The following ACSL4 variants were observed in gnomAD, a reference collection of about 807,000 sequenced individuals.
ACSL4 encodes long-chain-fatty-acid--CoA ligase 4.
Under a neutral mutation model 49.1 loss-of-function variants are expected in ACSL4, and 9 were observed. The ratio of observed to expected loss-of-function variants is 0.18; its 90% confidence interval spans 0.11 to 0.32. The LOEUF is 0.32. ACSL4 is among the 10% of genes least tolerant of loss of function. The pLI is 1.00. For missense variants in ACSL4, 333 were observed against 493.7 expected, an observed-to-expected ratio of 0.67 and a Z score of 3.08; for synonymous variants, 191 against 170.3, an observed-to-expected ratio of 1.12 and a Z score of -0.95.
chrX:109,660,135 T>C (rs558635355), intron 14 of ACSL4, among the ~76,000 whole-genome samples: 1 of 108,807 alleles, frequency 9.2e-6, no homozygotes, highest in African/African-American at 3.4e-5. Flanking sequence ...AAAGACTCAA[T>C]CAGCAGAGTA....
chrX:109,701,530 TTTC>T (rs1354215208), intron 1 of ACSL4, among the ~76,000 whole-genome samples: 4 of 101,987 alleles, frequency 3.9e-5, no homozygotes, highest in Non-Finnish European at 8.0e-5. Flanking sequence ...ACATAGAATT[TTTC>T]TTCTTCTTCT....
intron 15 of ACSL4, among the ~76,000 whole-genome samples, chrX:109,645,261 T>C (rs1262894862): frequency 3.6e-5 from 4 of 112,456 alleles, no homozygotes; most frequent in Middle Eastern, 8.3e-3. Context: ...TCTGCAGACT[T>C]AAATGTCCCT....
intron 1 of ACSL4, among the ~76,000 whole-genome samples, chrX:109,698,705 C>T (rs1291001806): frequency 4.5e-5 from 5 of 111,595 alleles, no homozygotes; most frequent in Non-Finnish European, 1.9e-5. Context: ...GAAAGCCCAA[C>T]TCACCAAATG....
rs375616665 is a variant in ACSL4, at chrX:109,663,379, G to C, written c.1414C>G (p.Pro472Ala). 1.9e-5 allele frequency: 23 copies of C among 1,207,658 alleles called. No homozygotes were observed. Among genetic ancestry groups the C allele is most frequent in the African/African-American group, 5.3e-5 (3 of 57,122 alleles). The stretch of plus-strand genomic sequence containing the variant: ...ATTACGATTTCACCTCTGGGGTTTG[G>C]CTTGTCATTAATTGTATAACCGCCT... ...QEGGYTINDK[P>A]NPRGEIVIGG... Residue 472 changes from proline (P) to alanine (A), a missense_variant, in exon 13 of 16, where the codon CCA (proline) becomes GCA (alanine). Coordinates refer to ENST00000672401, the MANE Select transcript of ACSL4 (RefSeq NM_001318510.2).
chrX:109,673,141 T>A (rs1322494762), intron 9 of ACSL4, among the ~76,000 whole-genome samples: 1 of 112,117 alleles, frequency 8.9e-6, no homozygotes, highest in African/African-American at 3.2e-5. Flanking sequence ...ATTACTTCTT[T>A]AACACCTCAG....
intron 1 of ACSL4, among the ~76,000 whole-genome samples, chrX:109,727,001 G>A (rs941239207): frequency 9.0e-6 from 1 of 111,225 alleles, no homozygotes; most frequent in African/African-American, 3.3e-5. Context: ...ATAGGCGTGA[G>A]CTGCAGTGCC....
chrX:109,670,883 T>C (rs910817153), intron 9 of ACSL4, among the ~76,000 whole-genome samples: 1 of 112,689 alleles, frequency 8.9e-6, no homozygotes, highest in Non-Finnish European at 1.9e-5. Flanking sequence ...AGCCTCGGCC[T>C]CCCGAGGTGC....
intron 15 of ACSL4, among the ~76,000 whole-genome samples, chrX:109,645,410 A>C (rs1251075209): frequency 8.9e-6 from 1 of 112,282 alleles, no homozygotes; most frequent in Non-Finnish European, 1.9e-5. Context: ...CAGCAGGGGC[A>C]GACTGACACC....
At position 109,643,886 on chromosome X, in the gene ACSL4, A is replaced by G; in HGVS notation, c.*143T>C. The G allele has an allele frequency of 2.8e-6, 2 of 702,269 alleles. No individual in the cohort carries two copies. The highest frequency in any genetic ancestry group is 2.4e-5 in the South Asian group (1 of 41,146). 57.9% of individuals were successfully genotyped at this position (702,269 alleles called of 1,213,427 possible). ...TAAAGTAAACCGGACAACAATTTTA[A>G]TAACTTTTGGTTTTGTTTTCTTTTT... On this transcript the variant is annotated 3_prime_UTR_variant, in exon 16 of 16. Coordinates refer to ENST00000672401, the MANE Select transcript of ACSL4 (RefSeq NM_001318510.2).
intron 1 of ACSL4, among the ~76,000 whole-genome samples, chrX:109,725,739 C>CA (rs1423396916): frequency 1.8e-5 from 2 of 110,395 alleles, no homozygotes; most frequent in South Asian, 3.7e-4. Flanking sequence ...GACTCCATCT[C>CA]AAAAAATAAA....
At chrX:109,712,999 G>T (rs1272050124) in intron 1 of ACSL4, among the ~76,000 whole-genome samples, 1 of 106,237 alleles carries the variant, frequency 9.4e-6, no homozygotes, top group Non-Finnish European at 1.9e-5. Context: ...AAGAAGGGAG[G>T]GAGGGAAGGA....
At chrX:109,710,030 G>A (rs761702865) in intron 1 of ACSL4, among the ~76,000 whole-genome samples, 106 of 111,689 alleles carry the variant, frequency 9.5e-4, no homozygotes, top group African/African-American at 3.1e-3. Flanking sequence ...GCTTGAACCC[G>A]GGAGGCGGAG....
At chrX:109,680,584 T>C (rs1391855046) in intron 6 of ACSL4, among the ~76,000 whole-genome samples, 1 of 112,740 alleles carries the variant, frequency 8.9e-6, no homozygotes, top group African/African-American at 3.2e-5. Flanking sequence ...GCATTAATCT[T>C]GGTAAACAGC....
chrX:109,659,442 T>C lies in ACSL4; in HGVS notation c.1767A>G (p.Lys589=). 1 of 1,206,631 alleles carries C rather than the reference T, an allele frequency of 8.3e-7. No homozygotes were observed. The highest frequency in any genetic ancestry group is 1.1e-6 in the Non-Finnish European group (1 of 891,239). The change falls in exon 15 of 16, where the codon AAA becomes AAG. Residue 589 remains lysine, a synonymous_variant. Coordinates refer to ENST00000672401, the MANE Select transcript of ACSL4 (RefSeq NM_001318510.2). ...TATCAACCCAAGTTCCTTCTACCCC[T>C]TTCTGTTGTGCCAAAAGTGTCAACC... The part of the protein sequence containing the change: ...QKRLTLLAQQ[K]GVEGTWVDIC...
At chrX:109,648,609 C>T (rs372619480) in intron 15 of ACSL4, among the ~76,000 whole-genome samples, 2 of 111,471 alleles carry the variant, frequency 1.8e-5, no homozygotes, top group East Asian at 2.8e-4. Flanking sequence ...CTTTGAAAAC[C>T]AGCACAAGAC....
chrX:109,724,085 AG>A (rs1927769856), intron 1 of ACSL4, among the ~76,000 whole-genome samples: 1 of 111,965 alleles, frequency 8.9e-6, no homozygotes, highest in Non-Finnish European at 1.9e-5. Flanking sequence ...ATTATGCAGT[AG>A]AAACCCTTTT....
chrX:109,657,421 A>C lies in ACSL4; in HGVS notation c.1855+1933T>G, dbSNP rs1166338143. Among the ~76,000 whole-genome samples the C allele has an allele frequency of 1.7e-4, 18 of 105,534 alleles. No individual in the cohort carries two copies. The East Asian group carries it at 4.8e-3, about 28-fold the overall frequency. 91.6% of individuals were successfully genotyped at this position (105,534 alleles called of 115,157 possible). ...TGTGATGTTCCCCTTCCTGTGTCCA[A>C]GTGTTCTCGTTGTTCAATTCCCACC... is the stretch of plus-strand genomic sequence containing the variant. On this transcript the variant is annotated intron_variant, in intron 15 of 15. Transcript: ENST00000672401.
rs771482003 is a variant in ACSL4 at position 109,678,144 on chromosome X, T to C, written c.807-33A>G. Reference sequence around the variant, plus strand: ...AAAATAAGAGAAATATTTTAACCATTCTTGAAAAGGCATTTGAAGTTAGAA... The same window carrying C: ...AAAATAAGAGAAATATTTTAACCATCCTTGAAAAGGCATTTGAAGTTAGAA... On this transcript the variant is annotated intron_variant, in intron 7 of 15. Transcript: ENST00000672401. 1.1e-5 allele frequency: 13 copies of C among 1,208,326 alleles called. No individual in the cohort carries two copies. In the South Asian group the frequency reaches 1.4e-4, roughly 13 times the overall value.
At chrX:109,667,554 TA>T (rs1196218814) in intron 11 of ACSL4, among the ~76,000 whole-genome samples, 2 of 112,161 alleles carry the variant, frequency 1.8e-5, no homozygotes, top group African/African-American at 6.5e-5. Flanking sequence ...GAAAGAAGAC[TA>T]AAGGACCAGG....
Sources: allele counts gnomAD v4.1 joint callset (sites outside exome capture counted in the v4.1 genomes callset), GRCh38; gene constraint gnomAD v4.1.1; transcripts MANE v1.5; gene names NCBI Gene and HGNC (gene_info 2026-07-23, HGNC 2026-07-21).